The following CCDC149 variants were observed in gnomAD, a reference collection of about 807,000 sequenced individuals.
CCDC149 encodes the protein coiled-coil domain-containing protein 149.
In CCDC149, 45 loss-of-function variants were observed where a neutral mutation model predicts 59.9. The observed-to-expected ratio is 0.75, with a 90% CI of 0.59 to 0.96. The LOEUF is 0.96. CCDC149 is among the 40% of genes least tolerant of loss of function. CCDC149 has a pLI of 0.00. For synonymous variants in CCDC149, 245 were observed against 260.6 expected (o/e 0.94, Z 0.58); for missense variants, 584 against 664.7 (o/e 0.88, Z 1.33).
intron 1 of CCDC149, among the ~76,000 whole-genome samples, chr4:24,960,419 T>A (rs1723606714): frequency 6.6e-6 from 1 of 152,150 alleles, no homozygotes; most frequent in African/African-American, 2.4e-5. Flanking sequence ...ATATCAATAA[T>A]CACATTAAAT....
intron 12 of CCDC149, among the ~76,000 whole-genome samples, chr4:24,812,291 T>C (rs1384770515): frequency 6.6e-6 from 1 of 152,228 alleles, no homozygotes; most frequent in Non-Finnish European, 1.5e-5. Context: ...TTCTGATATT[T>C]CCTTCTGGCC....
At chr4:24,953,208 A>G (rs1244270129) in intron 1 of CCDC149, among the ~76,000 whole-genome samples, 1 of 152,166 alleles carries the variant, frequency 6.6e-6, no homozygotes, top group Non-Finnish European at 1.5e-5. Flanking sequence ...GCTCCACTGG[A>G]GTAGCAATCA....
intron 1 of CCDC149, among the ~76,000 whole-genome samples, chr4:24,883,770 G>A (rs747805719): frequency 3.9e-5 from 6 of 152,150 alleles, no homozygotes; most frequent in East Asian, 3.9e-4. Flanking sequence ...TTGCAGACAC[G>A]TTCCCATTTG....
rs189479848 is a variant in CCDC149, at chr4:24,949,529, C to G, written c.-65+30540G>C. On this transcript the variant is annotated intron_variant, in intron 1 of 12. Transcript: ENST00000389609. ...GTTTATTCACTCATTCAGCTAACACCAGTGGAGCACCTCTACTGACCCAGA... is the reference window on the plus strand; with the variant it reads ...GTTTATTCACTCATTCAGCTAACACGAGTGGAGCACCTCTACTGACCCAGA... Among the ~76,000 whole-genome samples the G allele has an allele frequency of 1.9e-3, 288 of 152,214 alleles. 2 individuals are homozygous for G. Among genetic ancestry groups the G allele is most frequent in the African/African-American group, 6.6e-3 (275 of 41,532 alleles).
At chr4:24,949,829 G>A (rs1324031225) in intron 1 of CCDC149, among the ~76,000 whole-genome samples, 1 of 152,212 alleles carries the variant, frequency 6.6e-6, no homozygotes, top group African/African-American at 2.4e-5. Context: ...AATAAGACCA[G>A]TGGGATCTTT....
At chr4:24,812,031 AC>A (rs1351224023) in intron 12 of CCDC149, among the ~76,000 whole-genome samples, 1 of 152,094 alleles carries the variant, frequency 6.6e-6, no homozygotes, top group African/African-American at 2.4e-5. Flanking sequence ...CCATGGTCAC[AC>A]TGCCTTTTTT....
chr4:24,957,194 A>T (rs1723490664), intron 1 of CCDC149, among the ~76,000 whole-genome samples: 1 of 152,160 alleles, frequency 6.6e-6, no homozygotes, highest in Non-Finnish European at 1.5e-5. Context: ...ATAACCTGAG[A>T]ACTGTTAAAT....
rs1714259063 is a variant in CCDC149 at position 24,807,283 on chromosome 4, C to T, written c.*1106G>A. ...AACCAGCTAGAATTGAGCATGCCCT[C>T]CTTTCCCATCCCTGTATCATGTCCT... On this transcript the variant is annotated 3_prime_UTR_variant, in exon 13 of 13. Coordinates refer to ENST00000635206, the MANE Select transcript of CCDC149 (RefSeq NM_001330643.2). The T allele has an allele frequency of 6.6e-6, 1 of 152,242 alleles. No homozygotes were observed. The allele number at this position is 152,242 out of a possible 1,614,324, so 9.4% of individuals were successfully genotyped here.
chr4:24,911,903 G>C (rs927316870), intron 1 of CCDC149, among the ~76,000 whole-genome samples: 1 of 152,210 alleles, frequency 6.6e-6, no homozygotes, highest in Admixed American at 6.5e-5. Flanking sequence ...TTAAAGAAAA[G>C]GAAGCCCCAA....
intron 1 of CCDC149, among the ~76,000 whole-genome samples, chr4:24,892,989 G>A (rs1052911191): frequency 2.0e-5 from 3 of 152,142 alleles, no homozygotes; most frequent in Admixed American, 1.3e-4. Flanking sequence ...AAAGGGGGCT[G>A]ATCGCCCTCA....
intron 1 of CCDC149, among the ~76,000 whole-genome samples, chr4:24,941,601 T>A (rs1577496881): frequency 1.3e-5 from 2 of 151,996 alleles, no homozygotes; most frequent in East Asian, 3.9e-4. Context: ...AATCAATGAA[T>A]CCAGGAGCTG....
At chr4:24,892,216 T>G (rs1720569748) in intron 1 of CCDC149, among the ~76,000 whole-genome samples, 1 of 152,160 alleles carries the variant, frequency 6.6e-6, no homozygotes, top group Non-Finnish European at 1.5e-5. Flanking sequence ...ACTCCTGCCC[T>G]ACCACTTCTA....
At chr4:24,930,765 C>T (rs1722563780) in intron 1 of CCDC149, among the ~76,000 whole-genome samples, 1 of 152,108 alleles carries the variant, frequency 6.6e-6, no homozygotes, top group African/African-American at 2.4e-5. Flanking sequence ...TCCTGCTACT[C>T]TAGACAGGGA....
chr4:24,897,200 A>G (rs1282641600), intron 1 of CCDC149, among the ~76,000 whole-genome samples: 2 of 152,124 alleles, frequency 1.3e-5, no homozygotes, highest in Non-Finnish European at 2.9e-5. Context: ...GAAGTAAGAA[A>G]AAGGAAGAGA....
At chr4:24,842,172 GA>G (rs1442697594) in intron 4 of CCDC149, among the ~76,000 whole-genome samples, 1 of 152,152 alleles carries the variant, frequency 6.6e-6, no homozygotes, top group Admixed American at 6.5e-5. Flanking sequence ...CCCTAAGTAA[GA>G]AAAGATGGGA....
chr4:24,951,799 G>A (rs1437869177), intron 1 of CCDC149, among the ~76,000 whole-genome samples: 3 of 152,154 alleles, frequency 2.0e-5, no homozygotes, highest in Non-Finnish European at 2.9e-5. Flanking sequence ...AGAAAGAAGT[G>A]CAATTCGAGG....
chr4:24,947,485 G>A (rs1382326138), intron 1 of CCDC149, among the ~76,000 whole-genome samples: 1 of 152,182 alleles, frequency 6.6e-6, no homozygotes, highest in Non-Finnish European at 1.5e-5. Context: ...TCTCAGGTAT[G>A]TCTTTATTTG....
chr4:24,915,122 A>C (rs1722088540), upstream of CCDC149, among the ~76,000 whole-genome samples: 1 of 152,238 alleles, frequency 6.6e-6, no homozygotes, highest in Non-Finnish European at 1.5e-5. Context: ...TTTTTAATCT[A>C]AGGAGCTAGA....
downstream of CCDC149, among the ~76,000 whole-genome samples, chr4:24,804,165 A>C (rs1303304457): frequency 5.9e-5 from 9 of 152,170 alleles, no homozygotes; most frequent in Non-Finnish European, 1.2e-4. Flanking sequence ...TCAGAATGAA[A>C]GCAGAGGAAG....
Sources: allele counts gnomAD v4.1 joint callset (sites outside exome capture counted in the v4.1 genomes callset), GRCh38; gene constraint gnomAD v4.1.1; transcripts MANE v1.5; gene names NCBI Gene and HGNC (gene_info 2026-07-23, HGNC 2026-07-21).